ASPH: variants seen among roughly 807,000 people sequenced by gnomAD.
ASPH encodes aspartyl/asparaginyl beta-hydroxylase.
ASPH carries 100 observed loss-of-function variants against 118.4 expected under a neutral mutation model. The observed-to-expected ratio is 0.84, with a 90% confidence interval of 0.72 to 1.00. The LOEUF (loss-of-function observed/expected upper bound fraction) is 1.00, where lower values mean the gene tolerates loss of function less well. Ranked by LOEUF, ASPH falls within the 50% of genes least tolerant of loss-of-function variation. The pLI is 0.00. For synonymous variants in ASPH, 315 were observed against 325.6 expected (o/e 0.97, Z 0.35); for missense variants, 920 against 919.5 (o/e 1.00, Z -0.01).
intron 18 of ASPH, among the ~76,000 whole-genome samples, chr8:61,561,473 T>C (rs1188296061): frequency 6.6e-6 from 1 of 152,196 alleles, no homozygotes; most frequent in Non-Finnish European, 1.5e-5. Flanking sequence ...TCTCAGAAAA[T>C]ATAAAAATTA....
At position 61,503,199 on chromosome 8, in the gene ASPH, C is replaced by A; in HGVS notation, c.*160G>T. On this transcript the variant is annotated 3_prime_UTR_variant, in exon 25 of 25. Transcript: ENST00000379454. The stretch of plus-strand genomic sequence containing the variant: ...ATGAATTGCAGCGAGGCAAATATTC[C>A]CTTTAGTGTCTTCTGACCCTAGGAG... 1.3e-6 allele frequency: 1 copy of A among 745,226 alleles called. No individual in the cohort carries two copies. Among genetic ancestry groups the A allele is most frequent in the Non-Finnish European group, 1.9e-6 (1 of 517,500 alleles). The allele number at this position is 745,226 out of a possible 1,614,324, so 46.2% of individuals were successfully genotyped here. A position where few individuals can be genotyped will look rare whatever the true frequency, so the allele number is the denominator to read the frequency against.
chr8:61,663,979 T>C (rs368184217), intron 3 of ASPH: 10 of 861,194 alleles, frequency 1.2e-5, no homozygotes, highest in Middle Eastern at 6.1e-4. Flanking sequence ...CATAAAAAAG[T>C]AAATAAATAT....
At chr8:61,533,728 G>A (rs1197059948) in intron 21 of ASPH, among the ~76,000 whole-genome samples, 1 of 152,142 alleles carries the variant, frequency 6.6e-6, no homozygotes, top group African/African-American at 2.4e-5. Context: ...TTCTTCTTTG[G>A]AAGCTTCTCT....
intron 21 of ASPH, among the ~76,000 whole-genome samples, chr8:61,531,395 G>A (rs911467062): frequency 1.3e-5 from 2 of 152,114 alleles, no homozygotes; most frequent in African/African-American, 4.8e-5. Flanking sequence ...AGTTATTCCT[G>A]AGGAAGGACA....
chr8:61,660,275 T>C (rs1435468771), intron 3 of ASPH: 1 of 152,146 alleles, frequency 6.6e-6, no homozygotes, highest in African/African-American at 2.4e-5. Flanking sequence ...TTCACCTCTC[T>C]GTATTTGGGC....
intron 21 of ASPH, among the ~76,000 whole-genome samples, chr8:61,546,792 A>G (rs1824037443): frequency 6.6e-6 from 1 of 152,236 alleles, no homozygotes; most frequent in Non-Finnish European, 1.5e-5. Context: ...TTATAGATAC[A>G]GTTTATTTTA....
intron 14 of ASPH, among the ~76,000 whole-genome samples, chr8:61,611,768 G>A (rs952499046): frequency 2.0e-5 from 3 of 152,188 alleles, no homozygotes; most frequent in South Asian, 2.1e-4. Flanking sequence ...ACAAGACACC[G>A]CCACCCTTTC....
At chr8:61,506,114 A>G (rs1806460116) in intron 24 of ASPH, among the ~76,000 whole-genome samples, 1 of 152,240 alleles carries the variant, frequency 6.6e-6, no homozygotes, top group South Asian at 2.1e-4. Flanking sequence ...AATGTGGTAT[A>G]CACATACAAT....
rs887608567 is a variant in ASPH, at chr8:61,681,039, A to G, written c.254-3T>C. 2.5e-6 allele frequency: 4 copies of G among 1,589,916 alleles called. No individual in the cohort carries two copies. The highest frequency in any genetic ancestry group is 1.2e-5 in the South Asian group (1 of 85,890). The stretch of plus-strand genomic sequence containing the variant: ...AGCATCATAGATTCCTAGTTTTCCT[A>G]TAATAGGGCAGAAATGATGGATATG... On this transcript the variant is annotated splice_polypyrimidine_tract_variant and splice_region_variant and intron_variant, in intron 2 of 24. Coordinates refer to ENST00000379454, the MANE Select transcript of ASPH (RefSeq NM_004318.4).
At chr8:61,579,602 G>A in intron 15 of ASPH, 22 of 1,523,952 alleles carry the variant, frequency 1.4e-5, no homozygotes, top group Non-Finnish European at 1.8e-5. Flanking sequence ...CCAGGGCCGT[G>A]GTTGTGAAGA....
chr8:61,628,128 T>C (rs1367133783), intron 13 of ASPH, among the ~76,000 whole-genome samples: 1 of 151,820 alleles, frequency 6.6e-6, no homozygotes, highest in African/African-American at 2.4e-5. Flanking sequence ...CTTGGATTTT[T>C]TCAGTGACTT....
rs1353804304 is a variant in ASPH at position 61,507,995 on chromosome 8, C to T, written c.2127-4486G>A. Among the ~76,000 whole-genome samples, 4 of 152,094 alleles carry T rather than the reference C, an allele frequency of 2.6e-5. No individual in the cohort carries two copies. The East Asian group carries it at 5.8e-4, about 22-fold the overall frequency. On this transcript the variant is annotated intron_variant, in intron 24 of 24. Coordinates refer to ENST00000379454, the MANE Select transcript of ASPH (RefSeq NM_004318.4). ...TGGAACTTCCTCCTTCCCTTCCTCT[C>T]TCTCTTTCTCTCCTCCCACCTAACC... is the stretch of plus-strand genomic sequence containing the variant.
At chr8:61,702,152 G>A (rs1037322403) in intron 1 of ASPH, among the ~76,000 whole-genome samples, 1 of 152,034 alleles carries the variant, frequency 6.6e-6, no homozygotes, top group Non-Finnish European at 1.5e-5. Context: ...AGAAGACACA[G>A]AAATTTTAAG....
At chr8:61,578,358 C>T (rs553027570) in intron 15 of ASPH, 99 of 1,607,030 alleles carry the variant, frequency 6.2e-5, no homozygotes, top group Middle Eastern at 1.8e-4. Context: ...CAGCAGCTTT[C>T]GGGGTGGCCT....
At chr8:61,586,044 C>G (rs1312688398) in intron 14 of ASPH, among the ~76,000 whole-genome samples, 1 of 152,128 alleles carries the variant, frequency 6.6e-6, no homozygotes, top group Admixed American at 6.5e-5. Flanking sequence ...TCTGTTTCTT[C>G]CTATTTTACC....
intron 3 of ASPH, chr8:61,664,729 G>C (rs1246965848): frequency 1.0e-6 from 1 of 986,002 alleles, no homozygotes; most frequent in East Asian, 1.1e-4. Context: ...CCCCTGAAAG[G>C]CTGCGGGAGG....
intron 3 of ASPH, among the ~76,000 whole-genome samples, chr8:61,671,375 A>G (rs1475960189): frequency 6.6e-6 from 1 of 152,216 alleles, no homozygotes; most frequent in Non-Finnish European, 1.5e-5. Flanking sequence ...CTAATCAATA[A>G]AATTCATGAC....
At chr8:61,508,355 T>C (rs1000971648) in intron 24 of ASPH, among the ~76,000 whole-genome samples, 2 of 152,182 alleles carry the variant, frequency 1.3e-5, no homozygotes, top group African/African-American at 4.8e-5. Context: ...AGAAAGTCTC[T>C]CTCTGGGTTG....
intron 12 of ASPH, among the ~76,000 whole-genome samples, chr8:61,635,238 C>T (rs1857214185): frequency 6.6e-6 from 1 of 152,186 alleles, no homozygotes; most frequent in Non-Finnish European, 1.5e-5. Flanking sequence ...TACTTCTCCA[C>T]TGGCTTTCCT....
Sources: gnomAD v4.1 joint callset for allele counts (sites outside exome capture counted in the v4.1 genomes callset) on GRCh38, gnomAD v4.1.1 for gene constraint, MANE v1.5 for transcripts, NCBI Gene and HGNC (gene_info 2026-07-23, HGNC 2026-07-21) for gene names.